Variants in FHIT observed in about 807,000 individuals in gnomAD.
FHIT encodes the protein fragile histidine triad diadenosine triphosphatase, also known as bis(5'-adenosyl)-triphosphatase.
A neutral mutation model predicts 17.9 loss-of-function variants in FHIT; 19 were observed. That is an observed-to-expected ratio of 1.06 (90% CI 0.74 to 1.56). The LOEUF (loss-of-function observed/expected upper bound fraction) is 1.56, where lower values mean the gene tolerates loss of function less well. Ranked by LOEUF, FHIT falls within the 40% of genes most tolerant of loss-of-function variation. FHIT has a pLI of 0.00. For synonymous variants in FHIT, 81 were observed against 69.7 expected (o/e 1.16, Z -0.81); for missense variants, 248 against 189.2 (o/e 1.31, Z -1.82).
intron 7 of FHIT, among the ~76,000 whole-genome samples, chr3:59,977,771 A>C (rs1575804230): frequency 6.6e-6 from 1 of 152,172 alleles, no homozygotes; most frequent in Non-Finnish European, 1.5e-5. Context: ...GCTCCAGGAC[A>C]AAAGACTTAA....
At chr3:59,913,286 T>G (rs1704971915) in intron 8 of FHIT, among the ~76,000 whole-genome samples, 1 of 152,148 alleles carries the variant, frequency 6.6e-6, no homozygotes, top group Non-Finnish European at 1.5e-5. Context: ...GAAGTCCCAG[T>G]GTCTAAGAAA....
intron 4 of FHIT, among the ~76,000 whole-genome samples, chr3:60,672,874 C>CATGTGTGTGTGTGTGTGTGTGTGTGT (rs71092628): frequency 1.4e-4 from 19 of 139,438 alleles, no homozygotes; most frequent in African/African-American, 3.2e-4. Flanking sequence ...CTCTTTGTAG[C>CATGTGTGTGTGTGTGTGTGTGTGTGT]GTGTGTGTGT....
intron 5 of FHIT, among the ~76,000 whole-genome samples, chr3:60,474,301 C>A (rs1370683633): frequency 2.0e-5 from 3 of 152,168 alleles, no homozygotes; most frequent in African/African-American, 7.2e-5. Flanking sequence ...ATTACATTAA[C>A]TTGAAAAATT....
At chr3:61,236,924 GC>G (rs1560102294) in intron 1 of FHIT, among the ~76,000 whole-genome samples, 1 of 152,136 alleles carries the variant, frequency 6.6e-6, no homozygotes, top group Non-Finnish European at 1.5e-5. Flanking sequence ...AAGCACCCAT[GC>G]CCTTACATGA....
chr3:60,329,607 G>A (rs1709865433), intron 5 of FHIT, among the ~76,000 whole-genome samples: 1 of 152,168 alleles, frequency 6.6e-6, no homozygotes, highest in Non-Finnish European at 1.5e-5. Context: ...AAGAAGTTAG[G>A]TGAGTAACTA....
intron 5 of FHIT, among the ~76,000 whole-genome samples, chr3:60,181,677 T>C (rs1033356807): frequency 5.3e-5 from 8 of 152,208 alleles, no homozygotes; most frequent in Non-Finnish European, 1.2e-4. Context: ...TTGAAAATCT[T>C]CATACAGATT....
At chr3:61,228,940 A>C (rs2106862768) in intron 1 of FHIT, among the ~76,000 whole-genome samples, 1 of 152,318 alleles carries the variant, frequency 6.6e-6, no homozygotes, top group Non-Finnish European at 1.5e-5. Flanking sequence ...CTGAGAGAGA[A>C]AGCCAGTCTT....
At chr3:60,632,239 G>T (rs570263581) in intron 4 of FHIT, among the ~76,000 whole-genome samples, 24 of 152,264 alleles carry the variant, frequency 1.6e-4, no homozygotes, top group African/African-American at 5.1e-4. Flanking sequence ...AGTAAATGAT[G>T]TATGAGAACG....
chr3:61,215,129 T>C (rs2039629817), intron 1 of FHIT, among the ~76,000 whole-genome samples: 1 of 151,848 alleles, frequency 6.6e-6, no homozygotes, highest in Non-Finnish European at 1.5e-5. Flanking sequence ...ACCACTCCTA[T>C]TCAACATAGT....
intron 5 of FHIT, among the ~76,000 whole-genome samples, chr3:60,175,177 G>A (rs1701613186): frequency 6.6e-6 from 1 of 152,188 alleles, no homozygotes; most frequent in Non-Finnish European, 1.5e-5. Flanking sequence ...TTTCCCCACA[G>A]AGCTGGATTT....
At chr3:60,298,459 A>G (rs1708306673) in intron 5 of FHIT, among the ~76,000 whole-genome samples, 1 of 152,206 alleles carries the variant, frequency 6.6e-6, no homozygotes, top group Non-Finnish European at 1.5e-5. Context: ...GCAGAGGCCA[A>G]ATATGTTTAT....
chr3:59,968,710 C>G (rs1456207241), intron 7 of FHIT, among the ~76,000 whole-genome samples: 1 of 152,146 alleles, frequency 6.6e-6, no homozygotes, highest in Non-Finnish European at 1.5e-5. Flanking sequence ...CTAGAAGATA[C>G]CAGTATAGGT....
At chr3:59,913,648 A>T (rs936401789) in intron 8 of FHIT, among the ~76,000 whole-genome samples, 1 of 152,112 alleles carries the variant, frequency 6.6e-6, no homozygotes, top group East Asian at 1.9e-4. Flanking sequence ...TAATTGTATT[A>T]TATTATTATT....
chr3:61,004,856 A>G (rs1036194514), intron 3 of FHIT, among the ~76,000 whole-genome samples: 2 of 152,190 alleles, frequency 1.3e-5, no homozygotes, highest in African/African-American at 4.8e-5. Context: ...AAATGATGTA[A>G]AGCACATTAT....
intron 7 of FHIT, among the ~76,000 whole-genome samples, chr3:59,992,260 CG>C (rs764378532): frequency 2.2e-4 from 33 of 151,934 alleles, no homozygotes; most frequent in Non-Finnish European, 7.4e-5. Context: ...ATCAAGCTCC[CG>C]CAGGTTTAAG....
intron 8 of FHIT, among the ~76,000 whole-genome samples, chr3:59,790,774 C>T (rs1249135931): frequency 6.6e-6 from 1 of 152,074 alleles, no homozygotes; most frequent in East Asian, 1.9e-4. Flanking sequence ...TCTATGAGAG[C>T]CAAATCACTA....
At chr3:60,751,260 T>C (rs2042460260) in intron 4 of FHIT, among the ~76,000 whole-genome samples, 1 of 152,226 alleles carries the variant, frequency 6.6e-6, no homozygotes, top group Non-Finnish European at 1.5e-5. Context: ...TCTTTTCTAA[T>C]TTTATATAGG....
intron 2 of FHIT, among the ~76,000 whole-genome samples, chr3:61,058,296 A>G (rs544671275): frequency 1.3e-5 from 2 of 152,334 alleles, no homozygotes; most frequent in East Asian, 1.9e-4. Flanking sequence ...TACATATTCC[A>G]TGATAGTTTC....
chr3:60,309,980 T>C (rs1708867252), intron 5 of FHIT, among the ~76,000 whole-genome samples: 1 of 152,150 alleles, frequency 6.6e-6, no homozygotes, highest in Non-Finnish European at 1.5e-5. Flanking sequence ...CTGTAGCTCC[T>C]TGAGGACAAG....
Sources: gnomAD v4.1 joint callset for allele counts (sites outside exome capture counted in the v4.1 genomes callset) on GRCh38, gnomAD v4.1.1 for gene constraint, MANE v1.5 for transcripts, NCBI Gene and HGNC (gene_info 2026-07-23, HGNC 2026-07-21) for gene names.